Variants in JAKMIP2 observed in about 807,000 individuals in gnomAD.
The protein encoded by JAKMIP2 is janus kinase and microtubule interacting protein 2, also known as janus kinase and microtubule-interacting protein 2.
Under a neutral mutation model 115.0 loss-of-function variants are expected in JAKMIP2, and 25 were observed. The observed-to-expected ratio is 0.22, with a 90% CI of 0.16 to 0.30. The LOEUF (loss-of-function observed/expected upper bound fraction) is 0.30. Among genes scored for constraint, JAKMIP2 ranks in the 10% least tolerant of loss-of-function variants. JAKMIP2 has a pLI of 1.00. For synonymous variants in JAKMIP2, 334 were observed against 343.6 expected (o/e 0.97, Z 0.31); for missense variants, 642 against 957.6 (o/e 0.67, Z 4.35).
At chr5:147,743,994 A>C (rs1472067119) in intron 1 of JAKMIP2, among the ~76,000 whole-genome samples, 137 of 69,246 alleles carry the variant, frequency 2.0e-3, no homozygotes, top group Non-Finnish European at 2.5e-3. Flanking sequence ...TTCCTTCCTA[A>C]CTTCTTTCCT....
intron 1 of JAKMIP2, among the ~76,000 whole-genome samples, chr5:147,770,760 T>A (rs1367268026): frequency 6.6e-6 from 1 of 152,104 alleles, no homozygotes; most frequent in African/African-American, 2.4e-5. Flanking sequence ...ATTTTTGTCT[T>A]TCTTATTTAT....
intron 1 of JAKMIP2, among the ~76,000 whole-genome samples, chr5:147,673,820 C>CATAT (rs35379141): frequency 2.0e-5 from 3 of 150,248 alleles, no homozygotes; most frequent in South Asian, 2.1e-4. Context: ...AGTAAATTCA[C>CATAT]ATATATATAT....
At chr5:147,695,682 G>GAGAC (rs1752076682) in intron 1 of JAKMIP2, among the ~76,000 whole-genome samples, 1 of 149,174 alleles carries the variant, frequency 6.7e-6, no homozygotes, top group African/African-American at 2.4e-5. Context: ...GTGTGTGAGA[G>GAGAC]AGAGAGACAG....
intron 19 of JAKMIP2, among the ~76,000 whole-genome samples, chr5:147,614,782 C>A (rs1756490999): frequency 6.6e-6 from 1 of 152,250 alleles, no homozygotes; most frequent in Non-Finnish European, 1.5e-5. Context: ...CTCCTCCTAT[C>A]AACCTCACTC....
intron 1 of JAKMIP2, among the ~76,000 whole-genome samples, chr5:147,710,260 T>C (rs1752729122): frequency 6.6e-6 from 1 of 152,220 alleles, no homozygotes; most frequent in South Asian, 2.1e-4. Flanking sequence ...TTGTTTCACA[T>C]ATTAAAATTT....
At chr5:147,619,970 T>C (rs1057127798) in intron 18 of JAKMIP2, among the ~76,000 whole-genome samples, 5 of 152,216 alleles carry the variant, frequency 3.3e-5, no homozygotes, top group Non-Finnish European at 7.3e-5. Flanking sequence ...ATTAAACACA[T>C]TATTCCACCA....
chr5:147,653,255 T>C (rs886905440), intron 3 of JAKMIP2, among the ~76,000 whole-genome samples: 3 of 152,180 alleles, frequency 2.0e-5, no homozygotes, highest in African/African-American at 7.2e-5. Context: ...AAAACGTATT[T>C]CTGGTTCTAG....
chr5:147,707,524 C>T (rs982813189), intron 1 of JAKMIP2, among the ~76,000 whole-genome samples: 1 of 151,982 alleles, frequency 6.6e-6, no homozygotes, highest in African/African-American at 2.4e-5. Flanking sequence ...AGTGACGCAG[C>T]CCCCTCCTAG....
At chr5:147,695,125 G>T (rs898765141) in intron 1 of JAKMIP2, among the ~76,000 whole-genome samples, 1 of 152,084 alleles carries the variant, frequency 6.6e-6, no homozygotes, top group African/African-American at 2.4e-5. Context: ...CTAACAATGC[G>T]TTAAATATTA....
chr5:147,636,195 C>A (rs1400530452), intron 12 of JAKMIP2, 27 bp downstream of exon 12: 1 of 1,595,900 alleles, frequency 6.3e-7, no homozygotes, highest in Non-Finnish European at 8.6e-7. Flanking sequence ...TCTCCTCTGC[C>A]CCGCTAGGGT....
intron 1 of JAKMIP2, among the ~76,000 whole-genome samples, chr5:147,688,044 G>C (rs1223910748): frequency 6.6e-6 from 1 of 152,056 alleles, no homozygotes; most frequent in Non-Finnish European, 1.5e-5. Context: ...CCGCTGCATG[G>C]TCCTTGTCTT....
rs1758965142 is a variant in JAKMIP2 at position 147,661,404 on chromosome 5, C to G, written c.171G>C (p.Arg57Ser). Residue 57 changes from arginine to serine, a missense_variant, in exon 3 of 22, where the codon AGG (arginine) becomes AGC (serine). Arg to Ser is a moderately radical substitution (Grantham distance 110, BLOSUM62 -1). Around this residue, in one of 6 missense-constraint regions of JAKMIP2, gnomAD observed 439 missense variants for 570.9 expected, o/e 0.77. Transcript: ENST00000616793. ...GCTTGCGCTGCTCCAGCTCACGAAT[C>G]CTCTTCGCTTCTTGAGTCTTCTCTC... ...LEREKTQEAK[R>S]IRELEQRKHT... 6.2e-7 allele frequency: 1 copy of G among 1,613,726 alleles called. No homozygotes were observed. The highest frequency in any genetic ancestry group is 8.5e-7 in the Non-Finnish European group (1 of 1,179,944).
intron 16 of JAKMIP2, among the ~76,000 whole-genome samples, chr5:147,625,141 G>A (rs1422696056): frequency 1.3e-5 from 2 of 152,004 alleles, no homozygotes; most frequent in Non-Finnish European, 2.9e-5. Flanking sequence ...CTCCATGCCT[G>A]GCTAAGTTTT....
At chr5:147,697,262 A>G (rs1033572953) in intron 1 of JAKMIP2, among the ~76,000 whole-genome samples, 2 of 152,150 alleles carry the variant, frequency 1.3e-5, no homozygotes. Context: ...AAGAAGCAAA[A>G]GTGGAAACCC....
chr5:147,737,194 A>G (rs746619996), intron 1 of JAKMIP2, among the ~76,000 whole-genome samples: 10 of 152,210 alleles, frequency 6.6e-5, no homozygotes, highest in Admixed American at 2.0e-4. Context: ...CTAACTATAC[A>G]GCAGAAGCAT....
At position 147,589,136 on chromosome 5, in the gene JAKMIP2, T is replaced by A. The variant is rs566631364; in HGVS notation, c.*2571A>T. The A allele has an allele frequency of 6.6e-6, 1 of 152,274 alleles. No homozygotes were observed. Among genetic ancestry groups the A allele is most frequent in the South Asian group, 2.1e-4 (1 of 4,822 alleles). The allele number at this position is 152,274 out of a possible 1,614,324, so 9.4% of individuals were successfully genotyped here. On this transcript the variant is annotated 3_prime_UTR_variant, in exon 22 of 22. Transcript: ENST00000616793. ...TATGGCTCATATTTAATCTGGAACC[T>A]ACCTAGTTGAATAAAGAATCCAGCA...
intron 1 of JAKMIP2, among the ~76,000 whole-genome samples, chr5:147,691,045 A>AGTG (rs1441990300): frequency 6.6e-6 from 1 of 152,106 alleles, no homozygotes; most frequent in East Asian, 1.9e-4. Context: ...AGATTGGTTA[A>AGTG]TGTGACGGAC....
At chr5:147,764,971 A>G (rs1375492636) in intron 1 of JAKMIP2, among the ~76,000 whole-genome samples, 4 of 88,440 alleles carry the variant, frequency 4.5e-5, no homozygotes, top group East Asian at 3.3e-4. Context: ...AGAGAGGGGG[A>G]GAGAGAGAGA....
chr5:147,771,694 T>G (rs964723116), intron 1 of JAKMIP2, among the ~76,000 whole-genome samples: 1 of 152,214 alleles, frequency 6.6e-6, no homozygotes, highest in East Asian at 1.9e-4. Context: ...AAATAAAGAC[T>G]TGGACAGGGA....
Sources: gnomAD v4.1 joint callset for allele counts (sites outside exome capture counted in the v4.1 genomes callset) on GRCh38, gnomAD v4.1.1 for gene constraint, gnomAD v4.1.1 regional missense constraint, MANE v1.5 for transcripts, NCBI Gene and HGNC (gene_info 2026-07-23, HGNC 2026-07-21) for gene names.